Variants in NT5C3A observed in about 807,000 individuals in gnomAD.
The protein encoded by NT5C3A is cytosolic 5'-nucleotidase 3A.
A neutral mutation model predicts 40.0 loss-of-function variants in NT5C3A; 23 were observed. That is an observed-to-expected ratio of 0.58 (90% CI 0.41 to 0.81). The LOEUF (loss-of-function observed/expected upper bound fraction) is 0.81. Among genes scored for constraint, NT5C3A ranks in the 40% least tolerant of loss-of-function variants. The probability of loss-of-function intolerance (pLI) is 0.00; values close to 1 mark genes in which losing one functional copy is unlikely to be tolerated. For synonymous variants in NT5C3A, 130 were observed against 141.4 expected (o/e 0.92, Z 0.57); for missense variants, 328 against 403.0 (o/e 0.81, Z 1.59).
intron 5 of NT5C3A, among the ~76,000 whole-genome samples, chr7:33,020,623 T>C (rs1245765866): frequency 6.6e-6 from 1 of 152,144 alleles, no homozygotes; most frequent in East Asian, 1.9e-4. Flanking sequence ...TAAAGACAAA[T>C]CATTCCTGGT....
intron 6 of NT5C3A, among the ~76,000 whole-genome samples, chr7:33,018,237 C>A (rs1178081054): frequency 6.6e-6 from 1 of 152,130 alleles, no homozygotes; most frequent in Non-Finnish European, 1.5e-5. Flanking sequence ...GATATTCTTA[C>A]AGTTTCATCA....
chr7:33,017,615 A>G lies in NT5C3A; in HGVS notation c.531-14T>C. The G allele has an allele frequency of 1.2e-6, 2 of 1,603,756 alleles. No individual in the cohort carries two copies. The highest frequency in any genetic ancestry group is 2.2e-5 in the South Asian group (2 of 90,886). On this transcript the variant is annotated splice_polypyrimidine_tract_variant and intron_variant, in intron 6 of 8. Coordinates refer to ENST00000610140, the MANE Select transcript of NT5C3A (RefSeq NM_001002010.5). ...TCATATCCTTCTCTGTAAGATGGAG[A>G]TAACAAACTGGTTATTAAAGAGCAA...
In NT5C3A at chr7:33,037,012, A is replaced by G. The variant is rs186519200; in HGVS notation, c.139-10097T>C. ...TTTTTAGTAGAGATGGGGTTTCACC[A>G]TGTTGGCCAGGATGGCCTCGATCTC... On this transcript the variant is annotated intron_variant, in intron 1 of 8. Coordinates refer to ENST00000610140, the MANE Select transcript of NT5C3A (RefSeq NM_001002010.5). 1.2e-4 allele frequency among the ~76,000 whole-genome samples: 18 copies of G among 152,178 alleles called. 1 individual carries two copies. The highest frequency in any genetic ancestry group is 3.6e-4 in the African/African-American group (15 of 41,532).
intron 1 of NT5C3A, chr7:33,027,149 A>T: frequency 2.6e-6 from 1 of 388,120 alleles, no homozygotes; most frequent in Non-Finnish European, 4.8e-6. Context: ...AGCTCACCGT[A>T]GCCTCAAACT....
At chr7:33,022,451 A>T (rs1562588444) in intron 3 of NT5C3A, among the ~76,000 whole-genome samples, 1 of 152,142 alleles carries the variant, frequency 6.6e-6, no homozygotes, top group African/African-American at 2.4e-5. Flanking sequence ...TGGGAAATAC[A>T]TTTTTTTCGT....
At chr7:33,023,853 T>C in intron 3 of NT5C3A, 186 bp downstream of exon 3, 1 of 579,634 alleles carries the variant, frequency 1.7e-6, no homozygotes, top group Non-Finnish European at 3.1e-6. Flanking sequence ...AAACCATACA[T>C]GAAAATAACC....
intron 1 of NT5C3A, among the ~76,000 whole-genome samples, chr7:33,027,807 C>T (rs1414042750): frequency 2.0e-5 from 3 of 152,142 alleles, no homozygotes; most frequent in Admixed American, 2.0e-4. Flanking sequence ...CACCCTAATA[C>T]TAATATAATA....
intron 1 of NT5C3A, among the ~76,000 whole-genome samples, chr7:33,037,120 A>G (rs903810536): frequency 6.6e-6 from 1 of 152,152 alleles, no homozygotes; most frequent in South Asian, 2.1e-4. Context: ...TAAAATCTTT[A>G]ATTTTTTAAT....
chr7:33,044,592 A>G (rs1019345485), intron 1 of NT5C3A, among the ~76,000 whole-genome samples: 2 of 152,204 alleles, frequency 1.3e-5, no homozygotes, highest in Non-Finnish European at 2.9e-5. Context: ...TTCATATGTC[A>G]AAGAGCACAG....
rs747454771 is a variant in NT5C3A at position 33,026,905 on chromosome 7, A to G, written c.149T>C (p.Phe50Ser). Residue 50 changes from phenylalanine to serine, a missense_variant, in exon 2 of 9, where the codon TTC (phenylalanine) becomes TCC (serine). Physicochemically the swap from Phe to Ser is radical, Grantham distance 155. Around this residue, in one of 3 missense-constraint regions of NT5C3A, gnomAD observed 280 missense variants for 317.2 expected, o/e 0.88. Coordinates refer to ENST00000610140, the MANE Select transcript of NT5C3A (RefSeq NM_001002010.5). ...KTKIIEMMPE[F>S]QKSSVRIKNP... ...CTTGATTCGAACTGAACTTTTCTGG[A>G]ATTCTGGCATCTAAAAGTAAAAGAA... The G allele has an allele frequency of 1.2e-6, 2 of 1,609,292 alleles. No individual in the cohort carries two copies. Among genetic ancestry groups the G allele is most frequent in the South Asian group, 2.2e-5 (2 of 90,910 alleles).
At chr7:33,026,657 AT>A (rs34317509) in intron 2 of NT5C3A, among the ~76,000 whole-genome samples, 159 bp downstream of exon 2, 3,722 of 135,966 alleles carry the variant, frequency 0.027, 37 homozygotes, top group African/African-American at 0.033. Flanking sequence ...ATGCCCGGCC[AT>A]TTTTTTTTTT....
intron 4 of NT5C3A, 46 bp downstream of exon 4, chr7:33,022,007 G>A: frequency 3.7e-6 from 4 of 1,078,610 alleles, no homozygotes; most frequent in Non-Finnish European, 5.8e-6. Context: ...CAGGCAAAAA[G>A]GGTAATGAAG....
At chr7:33,022,920 G>GTT (rs201688510) in intron 3 of NT5C3A, among the ~76,000 whole-genome samples, 1 of 136,068 alleles carries the variant, frequency 7.3e-6, no homozygotes, top group Non-Finnish European at 1.6e-5. Context: ...GATTTTTAGT[G>GTT]TTTTTTTTTT....
At chr7:33,045,645 A>G (rs1787113268) in intron 1 of NT5C3A, among the ~76,000 whole-genome samples, 1 of 151,994 alleles carries the variant, frequency 6.6e-6, no homozygotes, top group East Asian at 1.9e-4. Flanking sequence ...TTTTTAGTAG[A>G]GATGGGGTTT....
At position 33,024,533 on chromosome 7, in the gene NT5C3A, C is replaced by T. The variant is rs530765539; in HGVS notation, c.238-425G>A. On this transcript the variant is annotated intron_variant, in intron 2 of 8. Transcript: ENST00000610140. ...CTCATGGAAACAGAGAGTAGAAAGA[C>T]GGTTACCAGAGGCTGGGAAGGGTGG... 2.3e-4 allele frequency among the ~76,000 whole-genome samples: 35 copies of T among 151,772 alleles called. 1 individual carries two copies. Among genetic ancestry groups the T allele is most frequent in the African/African-American group, 6.8e-4 (28 of 41,386 alleles).
At chr7:33,029,734 T>C (rs771871565) in intron 1 of NT5C3A, 3 of 1,263,276 alleles carry the variant, frequency 2.4e-6, no homozygotes, top group Middle Eastern at 2.1e-4. Context: ...GTAAGATTGG[T>C]TTATTTTATT....
At chr7:33,044,894 A>G (rs1787084279) in intron 1 of NT5C3A, among the ~76,000 whole-genome samples, 1 of 152,246 alleles carries the variant, frequency 6.6e-6, no homozygotes, top group South Asian at 2.1e-4. Flanking sequence ...TTTAACATTG[A>G]GACAGGGAAG....
intron 1 of NT5C3A, among the ~76,000 whole-genome samples, chr7:33,028,949 G>C (rs1786096950): frequency 6.6e-6 from 1 of 151,924 alleles, no homozygotes; most frequent in Non-Finnish European, 1.5e-5. Context: ...CAGCTAGTTG[G>C]GAGGCTGAGG....
chr7:33,054,970 G>C (rs1377444322), intron 1 of NT5C3A, among the ~76,000 whole-genome samples: 1 of 152,180 alleles, frequency 6.6e-6, no homozygotes, highest in Non-Finnish European at 1.5e-5. Flanking sequence ...TATGTGTTGA[G>C]AGCTACTTAA....
Sources: allele counts gnomAD v4.1 joint callset (sites outside exome capture counted in the v4.1 genomes callset), GRCh38; gene constraint gnomAD v4.1.1; regional missense constraint gnomAD v4.1.1; transcripts MANE v1.5; gene names NCBI Gene and HGNC (gene_info 2026-07-23, HGNC 2026-07-21).